The following OTOGL variants were observed in gnomAD, a reference collection of about 807,000 sequenced individuals.
The protein encoded by OTOGL is otogelin like, also known as otogelin-like protein.
A neutral mutation model predicts 318.5 loss-of-function variants in OTOGL; 285 were observed. The ratio of observed to expected loss-of-function variants is 0.89; its 90% confidence interval spans 0.81 to 0.99. OTOGL has a LOEUF of 0.99. OTOGL is among the 50% of genes least tolerant of loss of function. The probability of loss-of-function intolerance (pLI) is 0.00; values close to 1 mark genes in which losing one functional copy is unlikely to be tolerated. For synonymous variants in OTOGL, 987 were observed against 936.5 expected, an observed-to-expected ratio of 1.05 and a Z score of -0.99; for missense variants, 2,899 against 2,845.6, an observed-to-expected ratio of 1.02 and a Z score of -0.43.
chr12:80,368,799 G>A (rs1300937280), intron 55 of OTOGL, among the ~76,000 whole-genome samples: 2 of 143,266 alleles, frequency 1.4e-5, no homozygotes, highest in South Asian at 2.2e-4. Context: ...GAATCTTCAA[G>A]CCAAAGTTTG....
rs544842820 is a variant in OTOGL, at chr12:80,336,554, A to T, written c.4742A>T (p.Gln1581Leu). 1.0e-5 allele frequency: 16 copies of T among 1,605,422 alleles called. No individual in the cohort carries two copies. The South Asian group carries it at 1.8e-4, about 18-fold the overall frequency. The change falls in exon 40 of 59, where the codon CAG (glutamine) becomes CTG (leucine). Residue 1581 changes from glutamine (Q) to leucine (L), a missense_variant and splice_region_variant. By Grantham distance (113) the Gln-to-Leu change is moderately radical (BLOSUM62 -2). Around this residue, in one of 3 missense-constraint regions of OTOGL, gnomAD observed 2,607 missense variants for 2,524.9 expected, o/e 1.03. Transcript: ENST00000547103. ...CATATCGAAAAATGTTCCATGAATCAGGTGGGTCATAATTTATTTTTGCAG... is the reference window on the plus strand; with the variant it reads ...CATATCGAAAAATGTTCCATGAATCTGGTGGGTCATAATTTATTTTTGCAG... ...VAHIEKCSMN[Q>L]NGNSLKKLAP...
Position 80,370,592 on chromosome 12 carries a change from A to G in OTOGL, c.6638A>G (p.Asn2213Ser), listed in dbSNP as rs1241288450. Residue 2213 changes from asparagine (N) to serine (S), a missense_variant, in exon 56 of 59, where the codon AAT (asparagine) becomes AGT (serine). Transcript: ENST00000547103. ...TAGGTAGGGAGTACCTGGCACTACA[A>G]TTGCACCACATATGAATGTGTTAAA... ...VYAVGSTWHY[N>S]CTTYECVKTD... 3.2e-6 allele frequency: 5 copies of G among 1,558,042 alleles called. No individual in the cohort carries two copies. Among genetic ancestry groups the G allele is most frequent in the South Asian group, 2.5e-5 (2 of 80,250 alleles).
chr12:80,153,570 A>C (rs1256770576), intron 1 of OTOGL, among the ~76,000 whole-genome samples: 2 of 152,252 alleles, frequency 1.3e-5, no homozygotes, highest in Admixed American at 1.3e-4. Context: ...CCCAAAGTCC[A>C]TAATTTACAT....
At chr12:80,208,332 GAA>G (rs911132915) in intron 1 of OTOGL, 37 of 435,222 alleles carry the variant, frequency 8.5e-5, no homozygotes. Flanking sequence ...ATACTTAATA[GAA>G]AAGACTCAGA....
intron 1 of OTOGL, among the ~76,000 whole-genome samples, chr12:80,139,975 G>A (rs1434761077): frequency 6.6e-6 from 1 of 152,026 alleles, no homozygotes; most frequent in African/African-American, 2.4e-5. Context: ...AGTTTCCTAT[G>A]AATGCATGTT....
chr12:80,114,799 G>A (rs1342197296), intron 1 of OTOGL, among the ~76,000 whole-genome samples: 1 of 151,836 alleles, frequency 6.6e-6, no homozygotes, highest in Non-Finnish European at 1.5e-5. Flanking sequence ...ATTTGTTGGA[G>A]GCTTTGTTTG....
At chr12:80,268,756 T>C (rs568894061) in intron 22 of OTOGL, among the ~76,000 whole-genome samples, 1 of 152,274 alleles carries the variant, frequency 6.6e-6, no homozygotes, top group Admixed American at 6.5e-5. Flanking sequence ...CTTTCCATCA[T>C]CACTGCTTTA....
At chr12:80,308,206 C>G (rs1420721029) in intron 29 of OTOGL, among the ~76,000 whole-genome samples, 1 of 150,946 alleles carries the variant, frequency 6.6e-6, no homozygotes, top group African/African-American at 2.4e-5. Context: ...CCTCACTTCC[C>G]AGACGGGGTG....
At chr12:80,151,274 A>G (rs906123503) in intron 1 of OTOGL, among the ~76,000 whole-genome samples, 1 of 152,224 alleles carries the variant, frequency 6.6e-6, no homozygotes, top group Non-Finnish European at 1.5e-5. Context: ...GCAAACTAAG[A>G]TTTGATAGAA....
chr12:80,255,325 C>A (rs1881939690), intron 16 of OTOGL, 140 bp downstream of exon 16: 7 of 841,484 alleles, frequency 8.3e-6, no homozygotes, highest in Middle Eastern at 6.0e-4. Context: ...TAAGATACAT[C>A]ATTATTCTAC....
chr12:80,328,948 T>C, intron 36 of OTOGL, 103 bp from the exon 37 acceptor site: 1 of 1,192,182 alleles, frequency 8.4e-7, no homozygotes, highest in Admixed American at 2.7e-5. Flanking sequence ...TGCATTCTTT[T>C]TCCCAAAACA....
intron 44 of OTOGL, chr12:80,343,509 G>GGTTTTTTTTTTTTTATTTTTTTTTTT: frequency 2.8e-5 from 1 of 35,868 alleles, no homozygotes; most frequent in Non-Finnish European, 5.0e-5. Context: ...TTTTATTCTT[G>GGTTTTTTTTTTTTTATTTTTTTTTTT]TTTTTTTTTT....
intron 11 of OTOGL, among the ~76,000 whole-genome samples, chr12:80,243,929 C>T (rs990106374): frequency 4.8e-4 from 72 of 149,594 alleles, no homozygotes; most frequent in Non-Finnish European, 9.2e-4. Flanking sequence ...GAGATGGAGC[C>T]GGTTTACATT....
rs1891277626 is a variant in OTOGL, at chr12:80,378,141, G to A, written c.*93G>A. ...CTTAGGCATGTGGCAGATTTATGCT[G>A]TTTAACAATACTGTATTTTTCAGAC... is the stretch of plus-strand genomic sequence containing the variant. On this transcript the variant is annotated 3_prime_UTR_variant, in exon 59 of 59. Coordinates refer to ENST00000547103, the MANE Select transcript of OTOGL (RefSeq NM_001378609.3). The A allele has an allele frequency of 4.3e-6, 4 of 939,140 alleles. No individual in the cohort carries two copies. 58.2% of individuals were successfully genotyped at this position (939,140 alleles called of 1,614,324 possible).
intron 1 of OTOGL, among the ~76,000 whole-genome samples, chr12:80,188,627 C>T (rs1050068387): frequency 4.6e-5 from 7 of 151,488 alleles, no homozygotes; most frequent in African/African-American, 1.5e-4. Flanking sequence ...TTCAAATGTC[C>T]ATAAAAAACA....
At chr12:80,109,305 A>T (rs1869686972) in intron 1 of OTOGL, among the ~76,000 whole-genome samples, 1 of 152,152 alleles carries the variant, frequency 6.6e-6, no homozygotes, top group African/African-American at 2.4e-5. Context: ...CATGAATTCT[A>T]TTTTAAATCA....
At chr12:80,113,617 CTG>C (rs149020285) in intron 1 of OTOGL, among the ~76,000 whole-genome samples, 3,269 of 151,972 alleles carry the variant, frequency 0.022, 129 homozygotes, top group African/African-American at 0.075. Flanking sequence ...GTCTGAGAGA[CTG>C]TTATGATTTC....
At chr12:80,148,318 A>C (rs1478798186) in intron 1 of OTOGL, among the ~76,000 whole-genome samples, 1 of 146,382 alleles carries the variant, frequency 6.8e-6, no homozygotes, top group Non-Finnish European at 1.5e-5. Context: ...TATGAAGCTT[A>C]GTTTGGCTGG....
chr12:80,313,689 A>G, intron 31 of OTOGL, 57 bp downstream of exon 31: 3 of 1,393,238 alleles, frequency 2.2e-6, no homozygotes, highest in Non-Finnish European at 2.9e-6. Flanking sequence ...GATACATATT[A>G]ATTGTTGATT....
Sources: gnomAD v4.1 joint callset for allele counts (sites outside exome capture counted in the v4.1 genomes callset) on GRCh38, gnomAD v4.1.1 for gene constraint, gnomAD v4.1.1 regional missense constraint, MANE v1.5 for transcripts, NCBI Gene and HGNC (gene_info 2026-07-23, HGNC 2026-07-21) for gene names.